The following UNC80 variants were observed in gnomAD, a reference collection of about 807,000 sequenced individuals.
The protein encoded by UNC80 is protein unc-80 homolog.
In UNC80, 164 loss-of-function variants were observed where a neutral mutation model predicts 384.6. The observed-to-expected ratio is 0.43, with a 90% CI of 0.38 to 0.49. UNC80 has a LOEUF of 0.49. Among genes scored for constraint, UNC80 ranks in the 20% least tolerant of loss-of-function variants. UNC80 has a pLI of 0.00. For synonymous variants in UNC80, 1,486 were observed against 1,527.8 expected (o/e 0.97, Z 0.64); for missense variants, 3,330 against 4,143.0 (o/e 0.80, Z 5.39).
In UNC80 at chr2:209,834,187, C is replaced by T. The variant is rs1432504918; in HGVS notation, c.2942+19C>T. The T allele has an allele frequency of 1.3e-6, 2 of 1,550,146 alleles. No individual in the cohort carries two copies. The highest frequency in any genetic ancestry group is 1.7e-6 in the Non-Finnish European group (2 of 1,146,250). On this transcript the variant is annotated intron_variant, in intron 17 of 64. Transcript: ENST00000673920. ...GTAAAAGGTTGGAAGCTTGAACTCT[C>T]TGAATATTACTGTTTGCCTTAAGTC...
intron 26 of UNC80, among the ~76,000 whole-genome samples, chr2:209,888,743 G>A (rs1269283998): frequency 6.6e-6 from 1 of 152,066 alleles, no homozygotes; most frequent in East Asian, 1.9e-4. Context: ...AGCCTCCCTA[G>A]TAGCTGGGAT....
rs1362713823 is a variant in UNC80 at position 209,872,912 on chromosome 2, A to G, written c.3782A>G (p.Asn1261Ser). 2 of 1,551,636 alleles carry G rather than the reference A, an allele frequency of 1.3e-6. No homozygotes were observed. The highest frequency in any genetic ancestry group is 1.7e-6 in the Non-Finnish European group (2 of 1,146,954). The change falls in exon 23 of 65, where the codon AAC (asparagine) becomes AGC (serine). Residue 1261 changes from asparagine (N) to serine (S), a missense_variant. By Grantham distance (46) the Asn-to-Ser change is conservative. This residue lies in a region of UNC80 where 801 missense variants were observed against 950.8 expected (regional missense o/e 0.84). Coordinates refer to ENST00000673920, the MANE Select transcript of UNC80 (RefSeq NM_001371986.1). This position sits in a 1 kb window ranked among gnomAD's most constrained non-coding sequence, Gnocchi z 4.1. ...LSRGRSPIVG[N>S]KRNQKLQWNA... ...CGGGGACGCTCTCCCATTGTGGGCA[A>G]CAAGCGAAACCAGAAGCTGCAGTGG...
intron 47 of UNC80, among the ~76,000 whole-genome samples, chr2:209,946,257 T>A (rs2091909584): frequency 1.3e-5 from 2 of 151,638 alleles, no homozygotes; most frequent in Non-Finnish European, 2.9e-5. Flanking sequence ...TAGTCCCAAC[T>A]TTTTGGGAGG....
At position 209,830,797 on chromosome 2, in the gene UNC80, T is replaced by C. The variant is rs147628300; in HGVS notation, c.2627-646T>C. On this transcript the variant is annotated intron_variant, in intron 15 of 64. Transcript: ENST00000673920. Reference sequence around the variant, plus strand: ...GGCTTCCATTCACGGGCATTTCACATGTGTGTGAGCAAGAAGGAGGTGGCT... The same window carrying C: ...GGCTTCCATTCACGGGCATTTCACACGTGTGTGAGCAAGAAGGAGGTGGCT... Among the ~76,000 whole-genome samples the C allele has an allele frequency of 7.2e-5, 11 of 152,238 alleles. 1 individual carries two copies. The East Asian group carries it at 1.7e-3, about 24-fold the overall frequency.
chr2:209,831,511 A>T lies in UNC80; in HGVS notation c.2695A>T (p.Ile899Phe). The T allele has an allele frequency of 6.4e-7, 1 of 1,551,480 alleles. No homozygotes were observed. Among genetic ancestry groups the T allele is most frequent in the Non-Finnish European group, 8.7e-7 (1 of 1,146,858 alleles). Residue 899 changes from isoleucine (I) to phenylalanine (F), a missense_variant, in exon 16 of 65, where the codon ATT (isoleucine) becomes TTT (phenylalanine). Physicochemically the swap from Ile to Phe is conservative, Grantham distance 21. Coordinates refer to ENST00000673920, the MANE Select transcript of UNC80 (RefSeq NM_001371986.1). ...ATCCACAGCCCAAAATGTGGAAGGC[A>T]TTATCGTCAGCGCCATGTTTAAATC... ...NKSTAQNVEG[I>F]IVSAMFKSLI...
chr2:209,862,073 C>T (rs1355351136), intron 22 of UNC80, among the ~76,000 whole-genome samples: 1 of 152,086 alleles, frequency 6.6e-6, no homozygotes, highest in Non-Finnish European at 1.5e-5. Flanking sequence ...TTGTCTTCTG[C>T]TAGCTTTTGG....
chr2:209,846,915 C>T (rs2124833512), intron 21 of UNC80, among the ~76,000 whole-genome samples: 1 of 151,946 alleles, frequency 6.6e-6, no homozygotes, highest in African/African-American at 2.4e-5. Flanking sequence ...AGGAGAAAAC[C>T]CAAGAAATAT....
At chr2:209,786,698 A>C (rs539886363) in intron 5 of UNC80, among the ~76,000 whole-genome samples, 48 of 152,270 alleles carry the variant, frequency 3.2e-4, no homozygotes, top group Admixed American at 6.5e-4. Flanking sequence ...ACAACATCAT[A>C]GATTGAAAAG....
chr2:209,796,376 G>A (rs999129528), intron 7 of UNC80: 2 of 152,250 alleles, frequency 1.3e-5, no homozygotes, highest in Admixed American at 1.3e-4. Context: ...CCTTGTCTCA[G>A]ATGAGACTTT....
intron 61 of UNC80, among the ~76,000 whole-genome samples, chr2:209,985,340 A>T (rs544946337): frequency 6.6e-6 from 1 of 152,220 alleles, no homozygotes; most frequent in Non-Finnish European, 1.5e-5. Flanking sequence ...TTTAGCTAAT[A>T]CCATTGATTG....
chr2:209,937,013 G>T, intron 41 of UNC80, 80 bp downstream of exon 41: 2 of 959,204 alleles, frequency 2.1e-6, no homozygotes, highest in Non-Finnish European at 3.3e-6. Flanking sequence ...CACAGTCAGG[G>T]AGGCATCGCT....
At chr2:209,784,044 C>T (rs192806338) in intron 4 of UNC80, among the ~76,000 whole-genome samples, 142 of 152,256 alleles carry the variant, frequency 9.3e-4, no homozygotes, top group African/African-American at 3.1e-3. Context: ...ATCCCCAAAC[C>T]TGCTCCTCCT....
rs1466053327 is a variant in UNC80 at position 209,937,533 on chromosome 2, A to G, written c.6368A>G (p.Tyr2123Cys). ...RWNLIHYNKT[Y>C]VRDIYPFRRS... ...CTCTTTATGTAATCCACACAGACCT[A>G]TGTTCGAGATATTTATCCTTTCCGG... The change falls in exon 42 of 65, where the codon TAT (tyrosine) becomes TGT (cysteine). Residue 2123 changes from tyrosine (Y) to cysteine (C), a missense_variant. Tyr to Cys is a radical substitution (Grantham distance 194). Coordinates refer to ENST00000673920, the MANE Select transcript of UNC80 (RefSeq NM_001371986.1). The G allele has an allele frequency of 6.5e-7, 1 of 1,549,144 alleles. No individual in the cohort carries two copies. The highest frequency in any genetic ancestry group is 1.4e-5 in the African/African-American group (1 of 72,952).
rs1310699463 is a variant in UNC80, at chr2:209,998,802, G to A, written c.*3207G>A. 6.6e-6 allele frequency: 1 copy of A among 152,202 alleles called. No homozygotes were observed. The allele number at this position is 152,202 out of a possible 1,614,324, so 9.4% of individuals were successfully genotyped here. On this transcript the variant is annotated 3_prime_UTR_variant, in exon 65 of 65. Transcript: ENST00000673920. ...ATTCGCTGCTATCACACCAAGTCAT[G>A]CTGTTGCCCTGTGACCTCACACTTC...
At chr2:209,972,974 G>C (rs1284780588) in intron 55 of UNC80, 90 bp from the exon 56 acceptor site, 6 of 1,249,286 alleles carry the variant, frequency 4.8e-6, no homozygotes, top group Non-Finnish European at 6.7e-6. Context: ...TTTGGACTTG[G>C]AAAGAGCTGA....
At chr2:209,942,027 A>C (rs963071914) in intron 44 of UNC80, among the ~76,000 whole-genome samples, 1 of 152,080 alleles carries the variant, frequency 6.6e-6, no homozygotes, top group Non-Finnish European at 1.5e-5. Context: ...AAGACCTTCA[A>C]ATGGTTTTGA....
intron 28 of UNC80, among the ~76,000 whole-genome samples, chr2:209,899,194 A>G (rs2087116218): frequency 6.6e-6 from 1 of 152,162 alleles, no homozygotes; most frequent in African/African-American, 2.4e-5. Flanking sequence ...TATTGACTAA[A>G]CATGGTGTAT....
intron 7 of UNC80, among the ~76,000 whole-genome samples, chr2:209,807,912 ACTGAACGT>A (rs1220698258): frequency 1.3e-5 from 2 of 152,212 alleles, no homozygotes; most frequent in African/African-American, 4.8e-5. Context: ...AATATTTGCT[ACTGAACGT>A]CTTGTTAATT....
chr2:209,812,384 G>A (rs1269728946), intron 7 of UNC80, among the ~76,000 whole-genome samples: 1 of 151,982 alleles, frequency 6.6e-6, no homozygotes, highest in African/African-American at 2.4e-5. Flanking sequence ...CTAGTTAATA[G>A]GTTAAAATAG....
Sources: gnomAD v4.1 joint callset for allele counts (sites outside exome capture counted in the v4.1 genomes callset) on GRCh38, gnomAD v4.1.1 for gene constraint, gnomAD v4.1.1 regional missense constraint, Gnocchi (gnomAD v3.1) non-coding constraint, MANE v1.5 for transcripts, NCBI Gene and HGNC (gene_info 2026-07-23, HGNC 2026-07-21) for gene names.